The following FAM210A variants were observed in gnomAD, a reference collection of about 807,000 sequenced individuals.
The protein encoded by FAM210A is mitochondrial inner membrane scaffold 1.
Under a neutral mutation model 25.3 loss-of-function variants are expected in FAM210A, and 13 were observed. The ratio of observed to expected loss-of-function variants is 0.51; its 90% CI spans 0.33 to 0.82. The LOEUF (loss-of-function observed/expected upper bound fraction) is 0.82, where lower values mean the gene tolerates loss of function less well. FAM210A is among the 40% of genes least tolerant of loss of function. The pLI is 0.02. For missense variants in FAM210A, 319 were observed against 323.2 expected (o/e 0.99, Z 0.10); for synonymous variants, 125 against 118.7 (o/e 1.05, Z -0.35).
intron 1 of FAM210A, among the ~76,000 whole-genome samples, chr18:13,695,381 T>G (rs757325194): frequency 2.0e-5 from 3 of 152,206 alleles, no homozygotes; most frequent in Admixed American, 6.5e-5. Context: ...CCCAAAGGAT[T>G]ATAAATCATG....
chr18:13,686,806 A>T (rs1301340396), intron 1 of FAM210A, among the ~76,000 whole-genome samples: 1 of 152,226 alleles, frequency 6.6e-6, no homozygotes, highest in Non-Finnish European at 1.5e-5. Flanking sequence ...CAAACAAACA[A>T]AAAAAGATCC....
chr18:13,706,899 G>A (rs1403858588), intron 1 of FAM210A, among the ~76,000 whole-genome samples: 1 of 152,172 alleles, frequency 6.6e-6, no homozygotes, highest in African/African-American at 2.4e-5. Context: ...TCTTCATTTA[G>A]CTCATTCTTT....
chr18:13,725,438 C>T (rs2043933156), intron 1 of FAM210A, among the ~76,000 whole-genome samples: 1 of 152,210 alleles, frequency 6.6e-6, no homozygotes, highest in South Asian at 2.1e-4. Context: ...AAGCACAACG[C>T]TGCAAATGCT....
intron 1 of FAM210A, among the ~76,000 whole-genome samples, chr18:13,700,660 C>T (rs752626484): frequency 3.3e-5 from 5 of 152,202 alleles, no homozygotes; most frequent in South Asian, 4.1e-4. Context: ...CCAAACCTCT[C>T]GGGAAGGCAG....
rs775892022 is a variant in FAM210A, at chr18:13,666,628, G to A, written c.671C>T (p.Thr224Met). 3.1e-6 allele frequency: 5 copies of A among 1,614,036 alleles called. No individual in the cohort carries two copies. The highest frequency in any genetic ancestry group is 1.7e-5 in the Admixed American group (1 of 60,002). ...CAGATACTCCTTGACGGGTGGCGGC[G>A]TGGACATGTAGCCATGACTGCGCAG... Reference protein sequence around the residue: ...KYLRSHGYMSTPPPVKEYLQD... With the variant: ...KYLRSHGYMSMPPPVKEYLQD... Residue 224 changes from threonine to methionine, a missense_variant, in exon 4 of 4, where the codon ACG becomes ATG. By Grantham distance (81) the Thr-to-Met change is moderately conservative (BLOSUM62 -1). Coordinates refer to ENST00000651643, the MANE Select transcript of FAM210A (RefSeq NM_152352.4).
At chr18:13,682,841 C>T (rs1280110133) in intron 1 of FAM210A, among the ~76,000 whole-genome samples, 1 of 152,102 alleles carries the variant, frequency 6.6e-6, no homozygotes, top group Admixed American at 6.5e-5. Context: ...TGTACTCCAG[C>T]CTGGGGGACA....
rs562861278 is a variant in FAM210A, at chr18:13,664,286, C to A, written c.*2194G>T. 6.6e-6 allele frequency: 1 copy of A among 152,242 alleles called. No individual in the cohort carries two copies. The highest frequency in any genetic ancestry group is 1.5e-5 in the Non-Finnish European group (1 of 68,014). 9.4% of individuals were successfully genotyped at this position (152,242 alleles called of 1,614,324 possible). Reference sequence around the variant, plus strand: ...AATGGACTAACAAAAGATGTCTATGCAGGAAAAGCAAATTTTAGTTTCAGG... The same window carrying A: ...AATGGACTAACAAAAGATGTCTATGAAGGAAAAGCAAATTTTAGTTTCAGG... On this transcript the variant is annotated 3_prime_UTR_variant, in exon 4 of 4. Transcript: ENST00000651643.
At chr18:13,670,563 C>T (rs2043433340) in intron 3 of FAM210A, among the ~76,000 whole-genome samples, 1 of 152,056 alleles carries the variant, frequency 6.6e-6, no homozygotes. Context: ...GTGTTTTCAA[C>T]TTCCTTAGGT....
Position 13,693,197 on chromosome 18 carries a change from G to C in FAM210A, c.-28-11092C>G, listed in dbSNP as rs145758758. Among the ~76,000 whole-genome samples, 1,234 of 152,292 alleles carry C rather than the reference G, an allele frequency of 8.1e-3. 9 individuals carry two copies. Among genetic ancestry groups the C allele is most frequent in the Non-Finnish European group, 0.012 (819 of 68,036 alleles). Reference sequence around the variant, plus strand: ...CATACACCCTCCCAAGACTAAACCAGGAAGACACTGAATCCCTGAATAGAC... The same window carrying C: ...CATACACCCTCCCAAGACTAAACCACGAAGACACTGAATCCCTGAATAGAC... On this transcript the variant is annotated intron_variant, in intron 1 of 3. Transcript: ENST00000651643.
chr18:13,693,160 A>C (rs1166168844), intron 1 of FAM210A, among the ~76,000 whole-genome samples: 1 of 152,228 alleles, frequency 6.6e-6, no homozygotes, highest in African/African-American at 2.4e-5. Context: ...GAAATGGATA[A>C]ATTCCTCGAC....
chr18:13,692,436 A>G (rs1426983000), intron 1 of FAM210A, among the ~76,000 whole-genome samples: 1 of 152,188 alleles, frequency 6.6e-6, no homozygotes, highest in Non-Finnish European at 1.5e-5. Context: ...TCCACCCCAA[A>G]TCAACAGAAT....
At chr18:13,697,375 A>G (rs923637717) in intron 1 of FAM210A, among the ~76,000 whole-genome samples, 11 of 152,156 alleles carry the variant, frequency 7.2e-5, no homozygotes, top group African/African-American at 2.7e-4. Flanking sequence ...ACACTAAGAC[A>G]CTACTACAAA....
At chr18:13,720,267 A>T (rs1327056825) in intron 1 of FAM210A, among the ~76,000 whole-genome samples, 1 of 152,182 alleles carries the variant, frequency 6.6e-6, no homozygotes, top group African/African-American at 2.4e-5. Flanking sequence ...AAGCACCAGA[A>T]GATCTGCTGG....
rs538407014 is a variant in FAM210A, at chr18:13,669,410, T to G, written c.585+2452A>C. The stretch of plus-strand genomic sequence containing the variant: ...GCCATTCTCTGCCCTGTTCACTGAT[T>G]CCGGTCACACTAGCTTCCCTGCATC... On this transcript the variant is annotated intron_variant, in intron 3 of 3. Transcript: ENST00000651643. Among the ~76,000 whole-genome samples the G allele has an allele frequency of 1.1e-4, 16 of 152,312 alleles. No homozygotes were observed. In the South Asian group the frequency reaches 3.1e-3, roughly 30 times the overall value.
chr18:13,711,535 C>T (rs914886462), intron 1 of FAM210A, among the ~76,000 whole-genome samples: 5 of 152,144 alleles, frequency 3.3e-5, no homozygotes, highest in African/African-American at 9.7e-5. Flanking sequence ...CATTCTGTTA[C>T]ACATAATTAC....
chr18:13,694,912 C>G (rs1353979369), intron 1 of FAM210A, among the ~76,000 whole-genome samples: 1 of 152,160 alleles, frequency 6.6e-6, no homozygotes, highest in South Asian at 2.1e-4. Context: ...AAAGAAACTA[C>G]CATCAGAGTG....
intron 1 of FAM210A, among the ~76,000 whole-genome samples, chr18:13,692,292 A>T (rs893561616): frequency 6.6e-6 from 1 of 152,092 alleles, no homozygotes; most frequent in Non-Finnish European, 1.5e-5. Flanking sequence ...CTCCTACACA[A>T]TAATAATGGG....
chr18:13,696,611 G>A lies in FAM210A; in HGVS notation c.-28-14506C>T, dbSNP rs907926331. ...ATGACATCATATTCACGTGTTTGTG[G>A]TGATGATGGTGGAGGTAGAAGACAG... On this transcript the variant is annotated intron_variant, in intron 1 of 3. Coordinates refer to ENST00000651643, the MANE Select transcript of FAM210A (RefSeq NM_152352.4). Among the ~76,000 whole-genome samples the A allele has an allele frequency of 5.3e-5, 8 of 152,180 alleles. No homozygotes were observed. The East Asian group carries it at 1.5e-3, about 29-fold the overall frequency.
chr18:13,712,507 A>G (rs890044320), intron 1 of FAM210A, among the ~76,000 whole-genome samples: 2 of 152,154 alleles, frequency 1.3e-5, no homozygotes, highest in Non-Finnish European at 2.9e-5. Flanking sequence ...AAATTATGAC[A>G]TTAGGAGGTA....
Sources: allele counts gnomAD v4.1 joint callset (sites outside exome capture counted in the v4.1 genomes callset), GRCh38; gene constraint gnomAD v4.1.1; transcripts MANE v1.5; gene names NCBI Gene and HGNC (gene_info 2026-07-23, HGNC 2026-07-21).